Variants in ADAMTS17 observed in about 807,000 individuals in gnomAD.
ADAMTS17 encodes A disintegrin and metalloproteinase with thrombospondin motifs 17.
In ADAMTS17, 113 loss-of-function variants were observed where a neutral mutation model predicts 141.5. That is an observed-to-expected ratio of 0.80 (90% confidence interval 0.69 to 0.93). The LOEUF is 0.93. ADAMTS17 is among the 40% of genes least tolerant of loss of function. The probability of loss-of-function intolerance (pLI) is 0.00; values close to 1 mark genes in which losing one functional copy is unlikely to be tolerated. For synonymous variants in ADAMTS17, 768 were observed against 630.6 expected (o/e 1.22, Z -3.27); for missense variants, 1,659 against 1,517.9 (o/e 1.09, Z -1.54).
At chr15:99,990,105 G>A (rs183888526) in intron 20 of ADAMTS17, among the ~76,000 whole-genome samples, 59 of 152,310 alleles carry the variant, frequency 3.9e-4, no homozygotes, top group South Asian at 8.3e-4. Context: ...GTGCAATAAT[G>A]GCTCACTGTA....
At chr15:100,162,807 G>A (rs1365557156) in intron 8 of ADAMTS17, among the ~76,000 whole-genome samples, 1 of 142,534 alleles carries the variant, frequency 7.0e-6, no homozygotes, top group Non-Finnish European at 1.5e-5. Flanking sequence ...CAGTATATAT[G>A]CACACATACA....
chr15:100,116,728 C>T, intron 13 of ADAMTS17, 119 bp downstream of exon 13: 1 of 1,391,796 alleles, frequency 7.2e-7, no homozygotes, highest in East Asian at 2.3e-5. Flanking sequence ...GGGCAGAGGA[C>T]TGGAGTGTCT....
At chr15:100,047,778 A>G (rs2031823784) in intron 18 of ADAMTS17, among the ~76,000 whole-genome samples, 1 of 152,138 alleles carries the variant, frequency 6.6e-6, no homozygotes. Flanking sequence ...TACAGTGGCA[A>G]ATCCTCCATT....
At chr15:100,302,779 A>G (rs1365254502) in intron 3 of ADAMTS17, among the ~76,000 whole-genome samples, 3 of 152,198 alleles carry the variant, frequency 2.0e-5, no homozygotes, top group Non-Finnish European at 4.4e-5. Flanking sequence ...TGTGTCTGTG[A>G]GAGTATTGCC....
chr15:100,152,298 T>G (rs549051912), intron 10 of ADAMTS17, among the ~76,000 whole-genome samples: 1 of 152,286 alleles, frequency 6.6e-6, no homozygotes, highest in East Asian at 1.9e-4. Context: ...CCAGAGTCAG[T>G]AGTAACCCTG....
At chr15:100,142,573 G>A (rs1052862245) in intron 10 of ADAMTS17, among the ~76,000 whole-genome samples, 1 of 152,214 alleles carries the variant, frequency 6.6e-6, no homozygotes, top group African/African-American at 2.4e-5. Context: ...TAACTCTCAT[G>A]TCTTCACAAT....
chr15:100,063,361 C>G (rs1468707819), intron 15 of ADAMTS17, among the ~76,000 whole-genome samples: 1 of 152,218 alleles, frequency 6.6e-6, no homozygotes, highest in East Asian at 1.9e-4. Flanking sequence ...CTCAGCTCTC[C>G]TGGGGTTACT....
rs201484140 is a variant in ADAMTS17 at position 100,261,555 on chromosome 15, G to A, written c.955C>T (p.Arg319Ter). The A allele has an allele frequency of 8.1e-6, 13 of 1,614,010 alleles. No individual in the cohort carries two copies. Among genetic ancestry groups the A allele is most frequent in the African/African-American group, 2.7e-5 (2 of 74,914 alleles). ...HWQNEEYGGA[R>*]YLGNNQVPGG... ...GGAACCTGGTTATTGCCGAGGTATC[G>A]CGCTCCTCCATACTCCTCGTTCTGC... Residue 319 changes from arginine (R) to a stop codon, truncating the protein, a stop_gained, in exon 6 of 22, where the codon CGA becomes TGA. Coordinates refer to ENST00000268070, the MANE Select transcript of ADAMTS17 (RefSeq NM_139057.4). LOFTEE classifies it high-confidence loss of function.
chr15:100,011,525 A>C (rs2061181910), intron 18 of ADAMTS17, among the ~76,000 whole-genome samples: 1 of 152,120 alleles, frequency 6.6e-6, no homozygotes, highest in Admixed American at 6.5e-5. Flanking sequence ...GGTTTAAGGG[A>C]AAGTATTTCT....
At position 100,341,117 on chromosome 15, in the gene ADAMTS17, C is replaced by T. The variant is rs905819705; in HGVS notation, c.372G>A (p.Leu124=). Residue 124 remains leucine (L), a synonymous_variant, in exon 2 of 22, where the codon CTG becomes CTA. Transcript: ENST00000268070. The part of the protein sequence containing the change: ...AARRRGRPAE[L]CFYSGRVLGH... ...CGAGCACACGGCCCGAGTAGAAGCA[C>T]AGCTCGGCGGGGCGGCCGCGGCGCC... The T allele has an allele frequency of 1.3e-6, 2 of 1,481,486 alleles. No individual in the cohort carries two copies. The highest frequency in any genetic ancestry group is 2.9e-5 in the African/African-American group (2 of 67,964). 91.8% of individuals were successfully genotyped at this position (1,481,486 alleles called of 1,614,324 possible). A position where few individuals can be genotyped will look rare whatever the true frequency, so the allele number is the denominator to read the frequency against.
At chr15:100,030,235 C>G (rs1332381147) in intron 18 of ADAMTS17, among the ~76,000 whole-genome samples, 1 of 152,180 alleles carries the variant, frequency 6.6e-6, no homozygotes, top group Non-Finnish European at 1.5e-5. Context: ...GGAAGGAAAA[C>G]ACGACTGAGC....
At chr15:100,161,664 G>A (rs1237094804) in intron 8 of ADAMTS17, among the ~76,000 whole-genome samples, 1 of 152,148 alleles carries the variant, frequency 6.6e-6, no homozygotes, top group Non-Finnish European at 1.5e-5. Flanking sequence ...GCACCAGAGG[G>A]GAAATTCTCC....
At chr15:100,286,645 G>A (rs893176122) in intron 3 of ADAMTS17, among the ~76,000 whole-genome samples, 8 of 151,510 alleles carry the variant, frequency 5.3e-5, no homozygotes, top group African/African-American at 1.9e-4. Flanking sequence ...ATGCCTAAGG[G>A]CATCAAAAAA....
At chr15:100,118,233 G>T (rs1298040112) in intron 12 of ADAMTS17, among the ~76,000 whole-genome samples, 1 of 152,240 alleles carries the variant, frequency 6.6e-6, no homozygotes, top group African/African-American at 2.4e-5. Context: ...ACATGTAAAA[G>T]AACAGGCATG....
At chr15:100,256,846 TGAAGCCCCC>T (rs906485091) in intron 6 of ADAMTS17, 1 of 152,610 alleles carries the variant, frequency 6.6e-6, no homozygotes, top group Non-Finnish European at 1.5e-5. Context: ...CCCCAGGTGC[TGAAGCCCCC>T]TAAGCCCTGG....
intron 2 of ADAMTS17, among the ~76,000 whole-genome samples, chr15:100,332,026 A>G (rs2046068560): frequency 6.6e-6 from 1 of 152,206 alleles, no homozygotes; most frequent in Non-Finnish European, 1.5e-5. Context: ...GATTCCTGGA[A>G]AGTAAATCAG....
intron 18 of ADAMTS17, among the ~76,000 whole-genome samples, chr15:100,034,705 G>C (rs1467562487): frequency 1.3e-5 from 2 of 152,160 alleles, no homozygotes; most frequent in Non-Finnish European, 2.9e-5. Flanking sequence ...GTCCCAAACA[G>C]AACTGGAGAA....
chr15:100,292,686 G>A (rs2044686888), intron 3 of ADAMTS17, among the ~76,000 whole-genome samples: 1 of 152,254 alleles, frequency 6.6e-6, no homozygotes, highest in African/African-American at 2.4e-5. Flanking sequence ...TGTGCAAACT[G>A]AGGCACAAGG....
chr15:99,989,371 G>A (rs550354839), intron 20 of ADAMTS17, among the ~76,000 whole-genome samples: 42 of 152,304 alleles, frequency 2.8e-4, no homozygotes, highest in African/African-American at 7.7e-4. Flanking sequence ...GGGCACAGGC[G>A]CCAACAATAG....
Sources: gnomAD v4.1 joint callset for allele counts (sites outside exome capture counted in the v4.1 genomes callset) on GRCh38, gnomAD v4.1.1 for gene constraint, MANE v1.5 for transcripts, NCBI Gene and HGNC (gene_info 2026-07-23, HGNC 2026-07-21) for gene names.